SLC17A4: variants seen among roughly 807,000 people sequenced by gnomAD.
SLC17A4 encodes the protein solute carrier family 17 member 4, also known as probable small intestine urate exporter.
SLC17A4 carries 33 observed loss-of-function variants against 52.5 expected under a neutral mutation model. The observed-to-expected ratio is 0.63, with a 90% CI of 0.48 to 0.84. SLC17A4 has a LOEUF of 0.84. Among genes scored for constraint, SLC17A4 ranks in the 40% least tolerant of loss-of-function variants. The probability of loss-of-function intolerance (pLI) is 0.00; values close to 1 mark genes in which losing one functional copy is unlikely to be tolerated. For missense variants in SLC17A4, 585 were observed against 597.1 expected, an observed-to-expected ratio of 0.98 and a Z score of 0.21; for synonymous variants, 225 against 216.2, an observed-to-expected ratio of 1.04 and a Z score of -0.36.
chr6:25,777,011 G>C, intron 10 of SLC17A4, 52 bp downstream of exon 10: 2 of 1,545,546 alleles, frequency 1.3e-6, no homozygotes, highest in Non-Finnish European at 1.7e-6. Flanking sequence ...AAGTCTAGCA[G>C]CCCTAAATCT....
In SLC17A4 at chr6:25,770,260, C is replaced by A; in HGVS notation, c.491C>A (p.Ala164Asp). 6.2e-7 allele frequency: 1 copy of A among 1,614,118 alleles called. No homozygotes were observed. The highest frequency in any genetic ancestry group is 8.5e-7 in the Non-Finnish European group (1 of 1,179,994). The change falls in exon 4 of 12, where the codon GCC (alanine) becomes GAC (aspartate). Residue 164 changes from alanine (A) to aspartate (D), a missense_variant. Transcript: ENST00000377905. The stretch of plus-strand genomic sequence containing the variant: ...CCACTGGCAGCTAATGCGGGAGTGG[C>A]CTTGCTCATTGTCCTCCGGATTGTA... Reference protein sequence around the residue: ...FIPLAANAGVALLIVLRIVQG... With the variant: ...FIPLAANAGVDLLIVLRIVQG...
Position 25,776,667 on chromosome 6 carries a change from TTTC to T in SLC17A4, c.1065_1067del (p.Leu356del). On this transcript the variant is annotated inframe_deletion, in exon 9 of 12. Transcript: ENST00000377905. ...TATCCTTGGAGGTCTACTGGCAGAC[TTTC>T]TTCTCTCCAGAAAAATCCTCAGACT... 1 of 1,613,940 alleles carries T rather than the reference TTTC, an allele frequency of 6.2e-7. No homozygotes were observed.
intron 8 of SLC17A4, among the ~76,000 whole-genome samples, chr6:25,774,569 C>A (rs927520724): frequency 6.6e-6 from 1 of 152,112 alleles, no homozygotes; most frequent in Middle Eastern, 3.2e-3. Context: ...AGGAAGAGGG[C>A]CAGAAATTAA....
rs1763252073 is a variant in SLC17A4, at chr6:25,780,905, T to C, written c.*1717T>C. ...TCCTGAGTTTTGGTTTGCTATTATA[T>C]TAATGGGGATGCCTCTAACACAGAC... On this transcript the variant is annotated 3_prime_UTR_variant, in exon 12 of 12. Transcript: ENST00000377905. 6.6e-6 allele frequency: 1 copy of C among 152,114 alleles called. No homozygotes were observed. Among genetic ancestry groups the C allele is most frequent in the South Asian group, 2.1e-4 (1 of 4,824 alleles). The allele number at this position is 152,114 out of a possible 1,614,324, so 9.4% of individuals were successfully genotyped here. A position where few individuals can be genotyped will look rare whatever the true frequency, so the allele number is the denominator to read the frequency against.
chr6:25,767,139 T>C (rs1312648415), intron 2 of SLC17A4, among the ~76,000 whole-genome samples: 1 of 151,678 alleles, frequency 6.6e-6, no homozygotes, highest in African/African-American at 2.4e-5. Flanking sequence ...ACCTAAAACA[T>C]TTCAGATCAC....
At position 25,762,526 on chromosome 6, in the gene SLC17A4, A is replaced by C. The variant is rs570402029; in HGVS notation, c.91+473A>C. Among the ~76,000 whole-genome samples, 6 of 152,320 alleles carry C rather than the reference A, an allele frequency of 3.9e-5. No individual in the cohort carries two copies. In the South Asian group the frequency reaches 1.2e-3, roughly 32 times the overall value. On this transcript the variant is annotated intron_variant, in intron 2 of 11. Transcript: ENST00000377905. ...GCTTTTTATAATATGCATTAAGGGA[A>C]ACTGTAGAACATCTTATTTTACCCT...
intron 2 of SLC17A4, among the ~76,000 whole-genome samples, chr6:25,762,430 T>G (rs1384495982): frequency 1.3e-5 from 2 of 152,176 alleles, no homozygotes; most frequent in African/African-American, 4.8e-5. Flanking sequence ...AACCCCAAAA[T>G]GGGCTTTTTG....
intron 6 of SLC17A4, among the ~76,000 whole-genome samples, chr6:25,772,637 G>T (rs1444418172): frequency 6.6e-6 from 1 of 152,104 alleles, no homozygotes. Flanking sequence ...TCTACAAATT[G>T]GGTAATTAAT....
intron 2 of SLC17A4, among the ~76,000 whole-genome samples, chr6:25,763,580 C>T (rs1329212216): frequency 2.0e-5 from 3 of 152,178 alleles, no homozygotes; most frequent in Non-Finnish European, 4.4e-5. Flanking sequence ...TCTCCAAAGG[C>T]CACTCATATC....
intron 1 of SLC17A4, among the ~76,000 whole-genome samples, chr6:25,755,284 T>C (rs1760921427): frequency 6.6e-6 from 1 of 152,074 alleles, no homozygotes; most frequent in African/African-American, 2.4e-5. Flanking sequence ...TTCCAGCGAA[T>C]TTATGGGAAA....
At chr6:25,763,134 A>G (rs1203765870) in intron 2 of SLC17A4, among the ~76,000 whole-genome samples, 1 of 152,184 alleles carries the variant, frequency 6.6e-6, no homozygotes, top group East Asian at 1.9e-4. Context: ...ATTTGTCTAA[A>G]GTGGAACTTC....
rs776274514 is a variant in SLC17A4, at chr6:25,779,282, A to G, written c.*94A>G. On this transcript the variant is annotated 3_prime_UTR_variant, in exon 12 of 12. Transcript: ENST00000377905. ...TTCATGCCTGCTTGACTGATAAGCC[A>G]TTAGCTAGACCCTGACTATGTAACG... 7 of 1,533,002 alleles carry G rather than the reference A, an allele frequency of 4.6e-6. No individual in the cohort carries two copies. Among genetic ancestry groups the G allele is most frequent in the East Asian group, 2.3e-5 (1 of 43,916 alleles). 95.0% of individuals were successfully genotyped at this position (1,533,002 alleles called of 1,614,324 possible).
Position 25,776,814 on chromosome 6 carries a change from G to A in SLC17A4, c.1123G>A (p.Val375Ile), listed in dbSNP as rs200314936. 6.2e-7 allele frequency: 1 copy of A among 1,613,928 alleles called. No individual in the cohort carries two copies. Among genetic ancestry groups the A allele is most frequent in the South Asian group, 1.1e-5 (1 of 91,074 alleles). ...CTGTGTTTGTCCTCCTACCCCAGGGGTTCTCTTCCCATCCGTGATCCTCGT... is the reference window on the plus strand; with the variant it reads ...CTGTGTTTGTCCTCCTACCCCAGGGATTCTCTTCCCATCCGTGATCCTCGT... ...TIRKLFTAIGVLFPSVILVSL... is the reference protein window; with the variant it reads ...TIRKLFTAIGILFPSVILVSL... The change falls in exon 10 of 12, where the codon GTT (valine) becomes ATT (isoleucine). Residue 375 changes from valine to isoleucine, a missense_variant and splice_region_variant. By Grantham distance (29) the Val-to-Ile change is conservative. Coordinates refer to ENST00000377905, the MANE Select transcript of SLC17A4 (RefSeq NM_005495.3).
In SLC17A4 at chr6:25,769,077, C is replaced by T. The variant is rs1445530836; in HGVS notation, c.184C>T (p.Pro62Ser). 1 of 1,613,948 alleles carries T rather than the reference C, an allele frequency of 6.2e-7. No individual in the cohort carries two copies. Among genetic ancestry groups the T allele is most frequent in the Non-Finnish European group, 8.5e-7 (1 of 1,179,988 alleles). The change falls in exon 3 of 12, where the codon CCA becomes TCA. Residue 62 changes from proline (P) to serine (S), a missense_variant. Physicochemically the swap from Pro to Ser is moderately conservative, Grantham distance 74. Coordinates refer to ENST00000377905, the MANE Select transcript of SLC17A4 (RefSeq NM_005495.3). Reference sequence around the variant, plus strand: ...ACAAATGAACTTGAGCATTGCCATCCCAGCTATGGTGAACAACACAGCCCC... The same window carrying T: ...ACAAATGAACTTGAGCATTGCCATCTCAGCTATGGTGAACAACACAGCCCC... ...TQQMNLSIAI[P>S]AMVNNTAPPS...
At chr6:25,763,071 T>C (rs76788698) in intron 2 of SLC17A4, among the ~76,000 whole-genome samples, 8,779 of 152,244 alleles carry the variant, frequency 0.058, 458 homozygotes, top group African/African-American at 0.14. Flanking sequence ...ACCACTCACA[T>C]AGTGTCCCTT....
At position 25,776,743 on chromosome 6, in the gene SLC17A4, G is replaced by GGT; in HGVS notation, c.1120+16_1120+17insGT. ...ACTGCCATTGGTAAGGGAGAGACTGGACACAGGGGTGAACGTGGGAAGCTC... is the reference window on the plus strand; with the variant it reads ...ACTGCCATTGGTAAGGGAGAGACTGGGTACACAGGGGTGAACGTGGGAAGCTC... On this transcript the variant is annotated intron_variant, in intron 9 of 11. Coordinates refer to ENST00000377905, the MANE Select transcript of SLC17A4 (RefSeq NM_005495.3). 1 of 1,613,966 alleles carries GGT rather than the reference G, an allele frequency of 6.2e-7. No individual in the cohort carries two copies.
At chr6:25,768,355 C>T (rs1167299015) in intron 2 of SLC17A4, 1 of 985,436 alleles carries the variant, frequency 1.0e-6, no homozygotes, top group Non-Finnish European at 1.2e-6. Flanking sequence ...ATGAATTCTT[C>T]CCGCTGTTGT....
At chr6:25,760,981 T>C (rs4236040) in intron 1 of SLC17A4, among the ~76,000 whole-genome samples, 138,356 of 152,238 alleles carry the variant, frequency 0.91, 62,999 homozygotes, top group East Asian at 0.98. Context: ...TGGATCACTT[T>C]TTTGAGTGTT....
chr6:25,777,147 G>GT, intron 10 of SLC17A4, 188 bp downstream of exon 10: 3 of 640,200 alleles, frequency 4.7e-6, no homozygotes, highest in Non-Finnish European at 7.6e-6. Flanking sequence ...TGTGAACTTA[G>GT]TTTTTCTGGG....
Sources: allele counts gnomAD v4.1 joint callset (sites outside exome capture counted in the v4.1 genomes callset), GRCh38; gene constraint gnomAD v4.1.1; transcripts MANE v1.5; gene names NCBI Gene and HGNC (gene_info 2026-07-23, HGNC 2026-07-21).